The following LRP1B variants were observed in gnomAD, a reference collection of about 807,000 sequenced individuals.
LRP1B encodes the protein low-density lipoprotein receptor-related protein 1B.
A neutral mutation model predicts 556.6 loss-of-function variants in LRP1B; 217 were observed. That is an observed-to-expected ratio of 0.39 (90% CI 0.35 to 0.44). LRP1B has a LOEUF of 0.44. Among genes scored for constraint, LRP1B ranks in the 20% least tolerant of loss-of-function variants. The pLI is 1.00. For missense variants in LRP1B, 5,053 were observed against 5,620.8 expected, an observed-to-expected ratio of 0.90 and a Z score of 3.23; for synonymous variants, 2,047 against 1,865.8, an observed-to-expected ratio of 1.10 and a Z score of -2.50.
In LRP1B at chr2:140,500,593, C is replaced by T. The variant is rs562410364; in HGVS notation, c.8850+1094G>A. On this transcript the variant is annotated intron_variant, in intron 55 of 90. Coordinates refer to ENST00000389484, the MANE Select transcript of LRP1B (RefSeq NM_018557.3). ...CCTTGTATTGAACAGAAACTGCTTT[C>T]CAACTCTTAATTCCGATCTTTTAAG... 1.0e-3 allele frequency among the ~76,000 whole-genome samples: 155 copies of T among 152,052 alleles called. 1 individual carries two copies. The highest frequency in any genetic ancestry group is 3.7e-3 in the African/African-American group (152 of 41,532).
intron 41 of LRP1B, among the ~76,000 whole-genome samples, chr2:140,657,205 A>C (rs1684909324): frequency 6.6e-6 from 1 of 151,988 alleles, no homozygotes; most frequent in Non-Finnish European, 1.5e-5. Context: ...AAAGTAAAAA[A>C]AAAAATTCTA....
At chr2:141,711,462 T>C (rs1692354109) in intron 2 of LRP1B, among the ~76,000 whole-genome samples, 1 of 152,128 alleles carries the variant, frequency 6.6e-6, no homozygotes, top group Non-Finnish European at 1.5e-5. Context: ...AGATACCATG[T>C]AGAGACATTA....
chr2:141,909,526 A>AT (rs377577096), intron 1 of LRP1B, among the ~76,000 whole-genome samples: 1,041 of 93,080 alleles, frequency 0.011, 48 homozygotes, highest in African/African-American at 0.032. Context: ...GGTCTCAGAC[A>AT]TTTTTTTTTT....
chr2:141,717,266 C>T (rs1032132143), intron 2 of LRP1B, among the ~76,000 whole-genome samples: 1 of 152,128 alleles, frequency 6.6e-6, no homozygotes, highest in Non-Finnish European at 1.5e-5. Flanking sequence ...CAAGACAGCC[C>T]TTTTTAATTT....
intron 2 of LRP1B, among the ~76,000 whole-genome samples, chr2:141,795,392 G>C (rs1347353918): frequency 6.6e-6 from 1 of 152,036 alleles, no homozygotes; most frequent in Non-Finnish European, 1.5e-5. Flanking sequence ...GTGTGTGTTT[G>C]CACATGCGTG....
chr2:140,446,606 G>A (rs1410659205), intron 63 of LRP1B, among the ~76,000 whole-genome samples: 1 of 152,012 alleles, frequency 6.6e-6, no homozygotes, highest in African/African-American at 2.4e-5. Context: ...CTCAAGCAAA[G>A]TGTCATTCCT....
chr2:141,222,211 C>T (rs879348442), intron 6 of LRP1B, among the ~76,000 whole-genome samples: 1 of 152,092 alleles, frequency 6.6e-6, no homozygotes, highest in African/African-American at 2.4e-5. Context: ...GGAGATATAA[C>T]CACTGATCTT....
rs2105122314 is a variant in LRP1B at position 140,353,064 on chromosome 2, C to T, written c.11539G>A (p.Glu3847Lys). 6.2e-7 allele frequency: 1 copy of T among 1,612,766 alleles called. No homozygotes were observed. Among genetic ancestry groups the T allele is most frequent in the Non-Finnish European group, 8.5e-7 (1 of 1,179,310 alleles). The change falls in exon 76 of 91, where the codon GAA becomes AAA. Residue 3847 changes from glutamate to lysine, a missense_variant. This residue lies in a region of LRP1B where 599 missense variants were observed against 648.4 expected (regional missense o/e 0.92). Coordinates refer to ENST00000389484, the MANE Select transcript of LRP1B (RefSeq NM_018557.3). ...MKNRQCEDLN[E>K]CLVFGTCSHQ... The stretch of plus-strand genomic sequence containing the variant: ...GAACATGTGCCAAACACCAAACATT[C>T]ATTAAGGTCTAGAAAAGAAGAGCTC...
intron 84 of LRP1B, among the ~76,000 whole-genome samples, chr2:140,276,375 G>A (rs185347830): frequency 3.3e-5 from 5 of 151,960 alleles, no homozygotes; most frequent in East Asian, 2.0e-4. Flanking sequence ...CTATTAATAC[G>A]GGTTTTGGCT....
chr2:141,329,287 C>G (rs938578517), intron 3 of LRP1B, among the ~76,000 whole-genome samples: 3 of 148,972 alleles, frequency 2.0e-5, no homozygotes, highest in Non-Finnish European at 3.0e-5. Context: ...ACTGGAGAGG[C>G]TGAGGCAGAA....
chr2:141,471,656 A>AATTTTTACCTACCTCAATTAC (rs1682478385), intron 3 of LRP1B, among the ~76,000 whole-genome samples: 1 of 152,046 alleles, frequency 6.6e-6, no homozygotes, highest in East Asian at 1.9e-4. Flanking sequence ...CTTCCTCTTT[A>AATTTTTACCTACCTCAATTAC]ATTTTTACCT....
intron 45 of LRP1B, among the ~76,000 whole-genome samples, chr2:140,540,358 A>G (rs951398680): frequency 1.3e-5 from 2 of 152,142 alleles, no homozygotes; most frequent in African/African-American, 4.8e-5. Flanking sequence ...TCATGGCAAT[A>G]TTGAAACACT....
chr2:141,152,083 T>C (rs1322091028), intron 7 of LRP1B, among the ~76,000 whole-genome samples: 5 of 152,082 alleles, frequency 3.3e-5, no homozygotes, highest in African/African-American at 1.2e-4. Flanking sequence ...TGGGTCATAA[T>C]GAAGCCGTTT....
rs140144147 is a variant in LRP1B at position 140,588,336 on chromosome 2, C to T, written c.7194+10295G>A. On this transcript the variant is annotated intron_variant, in intron 43 of 90. Coordinates refer to ENST00000389484, the MANE Select transcript of LRP1B (RefSeq NM_018557.3). ...AGGGATGTAAAGTTTCTATGCTTCG[C>T]TTTACTGGGTAAATGGTGATGCTTG... is the stretch of plus-strand genomic sequence containing the variant. Among the ~76,000 whole-genome samples, 327 of 152,198 alleles carry T rather than the reference C, an allele frequency of 2.1e-3. 3 individuals carry two copies. Among genetic ancestry groups the T allele is most frequent in the Admixed American group, 0.017 (255 of 15,284 alleles).
chr2:140,792,940 A>G (rs1308376597), intron 32 of LRP1B, among the ~76,000 whole-genome samples: 2 of 152,072 alleles, frequency 1.3e-5, no homozygotes, highest in Admixed American at 1.3e-4. Flanking sequence ...TATAATTTCC[A>G]AAATAAAGGA....
At chr2:140,982,002 G>A (rs535342587) in intron 18 of LRP1B, among the ~76,000 whole-genome samples, 158 bp downstream of exon 18, 5 of 152,240 alleles carry the variant, frequency 3.3e-5, no homozygotes, top group South Asian at 2.1e-4. Context: ...TCATTAAAGC[G>A]CACAATCAGG....
At chr2:141,756,760 G>A (rs950131067) in intron 2 of LRP1B, among the ~76,000 whole-genome samples, 6 of 152,122 alleles carry the variant, frequency 3.9e-5, no homozygotes, top group African/African-American at 1.4e-4. Context: ...ATGCTGTCTA[G>A]GTTCATACCC....
intron 84 of LRP1B, among the ~76,000 whole-genome samples, chr2:140,291,537 A>G (rs1194418579): frequency 1.3e-5 from 2 of 150,856 alleles, no homozygotes; most frequent in Non-Finnish European, 3.0e-5. Flanking sequence ...TTCAGTTCCC[A>G]CCCATGACTG....
intron 11 of LRP1B, among the ~76,000 whole-genome samples, chr2:141,022,000 G>C (rs1698077454): frequency 6.6e-6 from 1 of 151,684 alleles, no homozygotes; most frequent in South Asian, 2.1e-4. Flanking sequence ...GGTACTACTT[G>C]ATAGGATTGT....
Sources: allele counts gnomAD v4.1 joint callset (sites outside exome capture counted in the v4.1 genomes callset), GRCh38; gene constraint gnomAD v4.1.1; regional missense constraint gnomAD v4.1.1; transcripts MANE v1.5; gene names NCBI Gene and HGNC (gene_info 2026-07-23, HGNC 2026-07-21).